Variants in CRYAB observed in about 807,000 individuals in gnomAD.
CRYAB encodes alpha-crystallin B chain.
In CRYAB, 9 loss-of-function variants were observed where a neutral mutation model predicts 12.7. The observed-to-expected ratio is 0.71, with a 90% CI of 0.43 to 1.24. The LOEUF (loss-of-function observed/expected upper bound fraction) is 1.24. Ranked by LOEUF, CRYAB falls within the 50% of genes most tolerant of loss-of-function variation. CRYAB has a pLI of 0.00. For synonymous variants in CRYAB, 93 were observed against 86.8 expected (o/e 1.07, Z -0.40); for missense variants, 183 against 226.6 (o/e 0.81, Z 1.24).
At chr11:111,913,715 GC>G, upstream of CRYAB, 1 of 1,614,112 alleles carries the variant, frequency 6.2e-7, no homozygotes, top group South Asian at 1.1e-5. Context: ...CCTATGTCCT[GC>G]CTGCTGATGT....
chr11:111,914,384 C>T (rs1241703433), upstream of CRYAB, among the ~76,000 whole-genome samples: 2 of 152,220 alleles, frequency 1.3e-5, no homozygotes, highest in Non-Finnish European at 2.9e-5. Context: ...TGATTAGAGA[C>T]ACAAAAACAA....
chr11:111,922,968 T>C (rs1555166663), intron 1 of CRYAB, among the ~76,000 whole-genome samples: 1 of 152,244 alleles, frequency 6.6e-6, no homozygotes, highest in African/African-American at 2.4e-5. Context: ...TGTATCTAAA[T>C]GAATACTCAC....
chr11:111,915,577 G>T (rs587756511), upstream of CRYAB, among the ~76,000 whole-genome samples: 14 of 152,260 alleles, frequency 9.2e-5, no homozygotes, highest in Admixed American at 8.5e-4. Flanking sequence ...TTTTGTAACT[G>T]AGCTTTATTT....
At chr11:111,910,541 T>C (rs1162553229) in intron 1 of CRYAB, 92 bp from the exon 2 acceptor site, 5 of 1,480,516 alleles carry the variant, frequency 3.4e-6, no homozygotes, top group Non-Finnish European at 3.8e-6. Flanking sequence ...AGCTGCTTTC[T>C]GTCCGGGTAA....
chr11:111,909,178 C>A, intron 2 of CRYAB: 1 of 652,570 alleles, frequency 1.5e-6, no homozygotes. Flanking sequence ...AAGTCTGAAA[C>A]AGTCCAACAC....
chr11:111,913,645 C>G, upstream of CRYAB: 1 of 1,614,156 alleles, frequency 6.2e-7, no homozygotes, highest in Non-Finnish European at 8.5e-7. Context: ...CTGGAGGTGT[C>G]TGCCCGGCAC....
At chr11:111,918,063 T>C (rs1965624587), upstream of CRYAB, 1 of 152,112 alleles carries the variant, frequency 6.6e-6, no homozygotes, top group South Asian at 2.1e-4. Context: ...GAACATCCAC[T>C]TAAAGGACAA....
chr11:111,909,507 C>T (rs1965385561), intron 2 of CRYAB, among the ~76,000 whole-genome samples: 1 of 152,144 alleles, frequency 6.6e-6, no homozygotes, highest in Non-Finnish European at 1.5e-5. Flanking sequence ...AGGTTCTGAG[C>T]TATCGTTAAA....
chr11:111,911,390 C>T (rs552123145), intron 1 of CRYAB, 134 bp downstream of exon 1: 2 of 841,862 alleles, frequency 2.4e-6, no homozygotes, highest in East Asian at 2.7e-5. Context: ...CACTAGCAAC[C>T]TCCTCATTTT....
chr11:111,912,784 T>C (rs781797680), upstream of CRYAB: 1 of 1,459,162 alleles, frequency 6.9e-7, no homozygotes, highest in Middle Eastern at 2.4e-4. Context: ...GCGCTGCGCC[T>C]GTTGGGGCTG....
rs1274021536 is a variant in CRYAB at position 111,908,923 on chromosome 11, C to A, written c.369G>T (p.Arg123=). 4 of 1,613,998 alleles carry A rather than the reference C, an allele frequency of 2.5e-6. No individual in the cohort carries two copies. The African/African-American group carries it at 5.3e-5, about 22-fold the overall frequency. Residue 123 remains arginine (R), a synonymous_variant, in exon 3 of 3, where the codon CGG becomes CGT. Coordinates refer to ENST00000650687, the MANE Select transcript of CRYAB (RefSeq NM_001289808.2). The part of the protein sequence containing the change: ...FISREFHRKY[R]IPADVDPLTI... ...TGAGAGGGTCTACATCAGCTGGGAT[C>A]CGGTATTTCCTGTGGAACTCCCTGG...
At chr11:111,914,165 C>A, upstream of CRYAB, 1 of 421,870 alleles carries the variant, frequency 2.4e-6, no homozygotes, top group Non-Finnish European at 4.2e-6. Context: ...TCACAGCCAG[C>A]TAGACAAAAA....
At chr11:111,909,228 G>A (rs1039475503) in intron 2 of CRYAB, 1 of 547,500 alleles carries the variant, frequency 1.8e-6, no homozygotes, top group Non-Finnish European at 3.5e-6. Context: ...ATATGTTTAG[G>A]GGTATTTCCC....
At chr11:111,918,929 C>G in intron 1 of CRYAB, 1 of 1,612,072 alleles carries the variant, frequency 6.2e-7, no homozygotes, top group Non-Finnish European at 8.5e-7. Flanking sequence ...GCACAAGCCT[C>G]TTGATGCATA....
At chr11:111,918,107 G>T (rs1268362880), upstream of CRYAB, 1 of 152,164 alleles carries the variant, frequency 6.6e-6, no homozygotes, top group East Asian at 1.9e-4. Context: ...CTAAAAATGG[G>T]GTGAGAGAAC....
intron 1 of CRYAB, chr11:111,918,553 C>T (rs1285935335): frequency 1.2e-5 from 6 of 485,464 alleles, no homozygotes; most frequent in South Asian, 3.9e-5. Context: ...CTCAGTTAAA[C>T]CTGAGTGGTG....
chr11:111,913,889 G>A (rs587644541), upstream of CRYAB: 1 of 1,604,518 alleles, frequency 6.2e-7, no homozygotes, highest in East Asian at 2.2e-5. Flanking sequence ...CCATAGTTGA[G>A]CCCTGATTGC....
At chr11:111,914,117 T>G, upstream of CRYAB, 2 of 498,270 alleles carry the variant, frequency 4.0e-6, no homozygotes, top group Non-Finnish European at 7.0e-6. Context: ...CTCCCTATTC[T>G]GTGGCCGGGA....
chr11:111,911,411 T>TGGACACATA (rs1965448398), intron 1 of CRYAB, 113 bp downstream of exon 1: 1 of 1,068,618 alleles, frequency 9.4e-7, no homozygotes, highest in East Asian at 2.6e-5. Context: ...TCTTCACATT[T>TGGACACATA]GGACACACAT....
Sources: allele counts gnomAD v4.1 joint callset (sites outside exome capture counted in the v4.1 genomes callset), GRCh38; gene constraint gnomAD v4.1.1; transcripts MANE v1.5; gene names NCBI Gene and HGNC (gene_info 2026-07-23, HGNC 2026-07-21).